The following RAPGEF6 variants were observed in gnomAD, a reference collection of about 807,000 sequenced individuals.
RAPGEF6 encodes PDZ domain containing guanine nucleotide exchange factor (GEF) 2.
In RAPGEF6, 56 loss-of-function variants were observed where a neutral mutation model predicts 171.4. The ratio of observed to expected loss-of-function variants is 0.33; its 90% CI spans 0.26 to 0.41. The LOEUF (loss-of-function observed/expected upper bound fraction) is 0.41. RAPGEF6 is among the 10% of genes least tolerant of loss of function. The pLI is 1.00. For synonymous variants in RAPGEF6, 692 were observed against 650.1 expected (o/e 1.06, Z -0.98); for missense variants, 1,674 against 1,921.4 (o/e 0.87, Z 2.41).
At chr5:131,617,307 CA>C (rs34573679) in intron 1 of RAPGEF6, among the ~76,000 whole-genome samples, 3 of 150,110 alleles carry the variant, frequency 2.0e-5, no homozygotes, top group East Asian at 3.9e-4. Flanking sequence ...CACACACACA[CA>C]AAAAAAAACC....
chr5:131,481,019 C>A (rs1324801008), intron 15 of RAPGEF6, among the ~76,000 whole-genome samples: 1 of 151,786 alleles, frequency 6.6e-6, no homozygotes, highest in Non-Finnish European at 1.5e-5. Flanking sequence ...ACAACCTTCA[C>A]CTCCTGGGTT....
chr5:131,589,359 T>C (rs1763454516), intron 4 of RAPGEF6, among the ~76,000 whole-genome samples: 1 of 152,226 alleles, frequency 6.6e-6, no homozygotes, highest in Admixed American at 6.5e-5. Flanking sequence ...AGGTAGTCTT[T>C]AGTTAACAGA....
chr5:131,581,895 C>A (rs1762988400), intron 4 of RAPGEF6, among the ~76,000 whole-genome samples: 1 of 152,176 alleles, frequency 6.6e-6, no homozygotes, highest in South Asian at 2.1e-4. Flanking sequence ...ACCCTCCCTG[C>A]CCTTGTGAAA....
At chr5:131,607,474 C>T (rs1449189558) in intron 1 of RAPGEF6, among the ~76,000 whole-genome samples, 1 of 152,162 alleles carries the variant, frequency 6.6e-6, no homozygotes, top group Non-Finnish European at 1.5e-5. Context: ...ACTTTCCATT[C>T]CAATTAGAAG....
intron 7 of RAPGEF6, among the ~76,000 whole-genome samples, chr5:131,520,448 T>C (rs1170955358): frequency 6.6e-6 from 1 of 152,200 alleles, no homozygotes; most frequent in African/African-American, 2.4e-5. Context: ...AAATAAAATA[T>C]ATTACTAAAA....
chr5:131,605,443 G>A (rs1419423351), intron 1 of RAPGEF6, among the ~76,000 whole-genome samples: 1 of 152,144 alleles, frequency 6.6e-6, no homozygotes, highest in Non-Finnish European at 1.5e-5. Context: ...GTATACATAT[G>A]TAACTAACCT....
chr5:131,573,634 G>C (rs1414461144), intron 4 of RAPGEF6, among the ~76,000 whole-genome samples: 1 of 151,978 alleles, frequency 6.6e-6, no homozygotes, highest in Non-Finnish European at 1.5e-5. Context: ...ATTCCCATTG[G>C]CAATACCAGA....
At chr5:131,633,414 T>C (rs1766438070) in intron 1 of RAPGEF6, among the ~76,000 whole-genome samples, 1 of 151,930 alleles carries the variant, frequency 6.6e-6, no homozygotes. Flanking sequence ...AAAATGTGAA[T>C]TTAGTAGCAC....
intron 11 of RAPGEF6, among the ~76,000 whole-genome samples, chr5:131,500,892 GA>G (rs2149883986): frequency 1.3e-5 from 1 of 76,548 alleles, no homozygotes; most frequent in East Asian, 2.4e-4. Context: ...AATAAATGAA[GA>G]AATGAACTGA....
chr5:131,592,813 A>G (rs1763671947), intron 3 of RAPGEF6, among the ~76,000 whole-genome samples: 1 of 152,258 alleles, frequency 6.6e-6, no homozygotes, highest in South Asian at 2.1e-4. Context: ...GAAAGCAATT[A>G]AGAAACATGT....
In RAPGEF6 at chr5:131,455,820, A is replaced by G. The variant is rs1444484166; in HGVS notation, c.3057T>C (p.Asp1019=). The G allele has an allele frequency of 2.5e-6, 4 of 1,611,960 alleles. No homozygotes were observed. Among genetic ancestry groups the G allele is most frequent in the East Asian group, 2.2e-5 (1 of 44,870 alleles). Residue 1019 remains aspartate, a synonymous_variant, in exon 20 of 28, where the codon GAT becomes GAC. Transcript: ENST00000509018. ...TCATACCTTCATGTAGAAATGTCAT[A>G]TCTTTCTTGACAACAGGGAAGAGTG... The part of the protein sequence containing the change: ...IIPLFPVVKK[D]MTFLHEGNDS...
At chr5:131,549,865 T>G (rs1160295425) in intron 5 of RAPGEF6, among the ~76,000 whole-genome samples, 1 of 152,076 alleles carries the variant, frequency 6.6e-6, no homozygotes, top group Non-Finnish European at 1.5e-5. Flanking sequence ...ATCCTCTCCC[T>G]CCTCCCACCC....
At chr5:131,534,625 TA>T (rs1759638842) in intron 6 of RAPGEF6, among the ~76,000 whole-genome samples, 1 of 151,444 alleles carries the variant, frequency 6.6e-6, no homozygotes, top group African/African-American at 2.4e-5. Context: ...TTTTTCAGTT[TA>T]ATTTAAATCA....
At chr5:131,614,053 G>C (rs768448783) in intron 1 of RAPGEF6, among the ~76,000 whole-genome samples, 27 of 152,086 alleles carry the variant, frequency 1.8e-4, no homozygotes, top group Non-Finnish European at 3.8e-4. Context: ...AGACTGTGGT[G>C]GGTGGATCAC....
At chr5:131,569,878 C>T (rs1324411311) in intron 4 of RAPGEF6, among the ~76,000 whole-genome samples, 3 of 151,672 alleles carry the variant, frequency 2.0e-5, no homozygotes, top group Non-Finnish European at 4.4e-5. Flanking sequence ...CCCATCTCTA[C>T]TAAAAATAGA....
At chr5:131,478,469 T>C (rs1465917740) in intron 16 of RAPGEF6, among the ~76,000 whole-genome samples, 1 of 152,192 alleles carries the variant, frequency 6.6e-6, no homozygotes, top group East Asian at 1.9e-4. Context: ...AAGTCTATTA[T>C]CTTTAGCATA....
At chr5:131,511,321 G>A (rs893629494) in intron 7 of RAPGEF6, 14 of 151,814 alleles carry the variant, frequency 9.2e-5, no homozygotes, top group African/African-American at 2.9e-4. Flanking sequence ...GAAAAAGCAT[G>A]GGTATTAAAG....
At chr5:131,545,396 G>A (rs1760453787) in intron 6 of RAPGEF6, among the ~76,000 whole-genome samples, 1 of 151,552 alleles carries the variant, frequency 6.6e-6, no homozygotes, top group South Asian at 2.1e-4. Flanking sequence ...GTAGATGATG[G>A]TTTACACATT....
intron 22 of RAPGEF6, among the ~76,000 whole-genome samples, chr5:131,445,830 G>A (rs1412909882): frequency 6.6e-6 from 1 of 151,906 alleles, no homozygotes; most frequent in Non-Finnish European, 1.5e-5. Context: ...GACCCACCAC[G>A]CCTGGCCTTA....
Sources: gnomAD v4.1 joint callset for allele counts (sites outside exome capture counted in the v4.1 genomes callset) on GRCh38, gnomAD v4.1.1 for gene constraint, MANE v1.5 for transcripts, NCBI Gene and HGNC (gene_info 2026-07-23, HGNC 2026-07-21) for gene names.